Variants in MCOLN1 observed in about 807,000 individuals in gnomAD.
MCOLN1 encodes the protein mucolipin-1.
A neutral mutation model predicts 70.3 loss-of-function variants in MCOLN1; 50 were observed. The ratio of observed to expected loss-of-function variants is 0.71; its 90% CI spans 0.57 to 0.90. The LOEUF (loss-of-function observed/expected upper bound fraction) is 0.90. MCOLN1 is among the 40% of genes least tolerant of loss of function. The pLI is 0.00. For synonymous variants in MCOLN1, 366 were observed against 341.0 expected, an observed-to-expected ratio of 1.07 and a Z score of -0.81; for missense variants, 598 against 803.5, an observed-to-expected ratio of 0.74 and a Z score of 3.09.
chr19:7,527,668 G>T, intron 5 of MCOLN1, 40 bp downstream of exon 5: 1 of 1,406,526 alleles, frequency 7.1e-7, no homozygotes, highest in Non-Finnish European at 1.0e-6. Flanking sequence ...GGGTGGGGGA[G>T]GCAGCACACT....
intron 12 of MCOLN1, among the ~76,000 whole-genome samples, chr19:7,531,541 C>T (rs1206677020): frequency 4.6e-5 from 7 of 152,146 alleles, no homozygotes; most frequent in Non-Finnish European, 5.9e-5. Flanking sequence ...GACCCTGGGA[C>T]GTTGCCATTA....
At position 7,528,538 on chromosome 19, in the gene MCOLN1, T is replaced by C. The variant is rs2146024476; in HGVS notation, c.878-59T>C. 1.9e-6 allele frequency: 3 copies of C among 1,608,678 alleles called. No individual in the cohort carries two copies. In the South Asian group the frequency reaches 3.3e-5, roughly 18 times the overall value. On this transcript the variant is annotated intron_variant, in intron 7 of 13. Transcript: ENST00000264079. The surrounding 1 kb of genome is among the most constrained non-coding windows in gnomAD (Gnocchi z 4.2). ...GGTCTCCAGCCTGGCCTGGCACCAA[T>C]GCTAGCCTCCCAAGGCTCCATGCCA...
chr19:7,527,403 C>A, intron 4 of MCOLN1, 117 bp from the exon 5 acceptor site: 1 of 748,122 alleles, frequency 1.3e-6, no homozygotes, highest in Non-Finnish European at 2.5e-6. Flanking sequence ...GAGTGCCAGG[C>A]CTGTAGGAAT....
At chr19:7,532,594 A>G (rs1433753854) in intron 12 of MCOLN1, among the ~76,000 whole-genome samples, 1 of 152,106 alleles carries the variant, frequency 6.6e-6, no homozygotes, top group African/African-American at 2.4e-5. Flanking sequence ...AGGCACCTGT[A>G]ATCCCAGCTA....
intron 10 of MCOLN1, 80 bp from the exon 11 acceptor site, chr19:7,529,510 C>CCCCCCCCCCCCCAAGGGGG: frequency 1.1e-6 from 1 of 912,888 alleles, no homozygotes; most frequent in Non-Finnish European, 1.7e-6. Context: ...GGCCCCGCCC[C>CCCCCCCCCCCCCAAGGGGG]TCCCACCCCC....
chr19:7,533,919 G>A lies in MCOLN1; in HGVS notation c.*124G>A. ...TCCCTGTCGCGCCCGAGGAGGGCCT[G>A]GACCTTTCGTGTCGGACCCTTGGGG... On this transcript the variant is annotated 3_prime_UTR_variant, in exon 14 of 14. Coordinates refer to ENST00000264079, the MANE Select transcript of MCOLN1 (RefSeq NM_020533.3). 1 of 1,190,636 alleles carries A rather than the reference G, an allele frequency of 8.4e-7. No individual in the cohort carries two copies. Among genetic ancestry groups the A allele is most frequent in the Non-Finnish European group, 1.2e-6 (1 of 822,832 alleles). The allele number at this position is 1,190,636 out of a possible 1,614,324, so 73.8% of individuals were successfully genotyped here.
chr19:7,530,775 G>C (rs997096077), intron 12 of MCOLN1, among the ~76,000 whole-genome samples: 7 of 152,308 alleles, frequency 4.6e-5, no homozygotes, highest in Admixed American at 1.3e-4. Context: ...ACGGAGTCTT[G>C]CTCTGTCACC....
At chr19:7,530,542 G>A (rs375730248) in intron 12 of MCOLN1, 41 bp downstream of exon 12, 2 of 1,570,256 alleles carry the variant, frequency 1.3e-6, no homozygotes, top group African/African-American at 1.3e-5. Context: ...GGCTCTGGGT[G>A]CCCTGGAGTC....
At position 7,528,163 on chromosome 19, in the gene MCOLN1, G is replaced by T; in HGVS notation, c.783G>T (p.Thr261=). The change falls in exon 7 of 14, where the codon ACG becomes ACT. Residue 261 remains threonine, a synonymous_variant. Transcript: ENST00000264079. This position sits in a 1 kb window ranked among gnomAD's most constrained non-coding sequence, Gnocchi z 4.2. Reference sequence around the variant, plus strand: ...CCCCCAACTGGCCCCCACAGATCACGTTTGACAACAAAGCACACAGTGGGC... The same window carrying T: ...CCCCCAACTGGCCCCCACAGATCACTTTTGACAACAAAGCACACAGTGGGC... The part of the protein sequence containing the change: ...PDCYTFSVLI[T]FDNKAHSGRI... 6.2e-7 allele frequency: 1 copy of T among 1,614,042 alleles called. No homozygotes were observed. The highest frequency in any genetic ancestry group is 8.5e-7 in the Non-Finnish European group (1 of 1,179,976).
rs2146024632 is a variant in MCOLN1, at chr19:7,528,728, T to C, written c.984+25T>C. 1 of 1,614,206 alleles carries C rather than the reference T, an allele frequency of 6.2e-7. No homozygotes were observed. The highest frequency in any genetic ancestry group is 8.5e-7 in the Non-Finnish European group (1 of 1,180,028). Reference sequence around the variant, plus strand: ...CGTGAGGCTTCTGCGTCATGTGTGCTGGTGTCCTCCCCGCCTGGCCCTGGG... The same window carrying C: ...CGTGAGGCTTCTGCGTCATGTGTGCCGGTGTCCTCCCCGCCTGGCCCTGGG... On this transcript the variant is annotated intron_variant, in intron 8 of 13. Transcript: ENST00000264079. This position sits in a 1 kb window ranked among gnomAD's most constrained non-coding sequence, Gnocchi z 4.2.
At chr19:7,527,197 G>A (rs1490895908) in intron 4 of MCOLN1, 23 of 584,304 alleles carry the variant, frequency 3.9e-5, no homozygotes, top group Non-Finnish European at 5.2e-5. Context: ...GCTTGAGTCC[G>A]GGAGGTTGAG....
At chr19:7,527,173 G>T (rs187453332) in intron 4 of MCOLN1, 2 of 590,980 alleles carry the variant, frequency 3.4e-6, no homozygotes, top group African/African-American at 1.8e-5. Context: ...TCAGGAGGCT[G>T]AGGCAGGAGG....
At chr19:7,529,773 C>A in intron 11 of MCOLN1, 61 bp downstream of exon 11, 1 of 1,603,788 alleles carries the variant, frequency 6.2e-7, no homozygotes, top group South Asian at 1.1e-5. Flanking sequence ...GACACTGTGA[C>A]CCCCAGATGA....
At chr19:7,530,612 T>C in intron 12 of MCOLN1, 111 bp downstream of exon 12, 1 of 1,060,246 alleles carries the variant, frequency 9.4e-7, no homozygotes, top group Non-Finnish European at 1.4e-6. Context: ...GGAGAGAATA[T>C]GGGAGACTCT....
rs2022625481 is a variant in MCOLN1 at position 7,529,610 on chromosome 19, G to C, written c.1257G>C (p.Arg419=). ...CCCAGATCCTCATCGCCACACTGCG[G>C]GTGGCCCTGCCCAGCGTCATGCGCT... ...HNYNILIATL[R]VALPSVMRFC... The change falls in exon 11 of 14, where the codon CGG becomes CGC. Residue 419 remains arginine, a synonymous_variant. Coordinates refer to ENST00000264079, the MANE Select transcript of MCOLN1 (RefSeq NM_020533.3). The C allele has an allele frequency of 6.2e-7, 1 of 1,613,406 alleles. No homozygotes were observed. Among genetic ancestry groups the C allele is most frequent in the Non-Finnish European group, 8.5e-7 (1 of 1,179,572 alleles).
Position 7,533,528 on chromosome 19 carries a change from C to T in MCOLN1, c.1581C>T (p.Pro527=), listed in dbSNP as rs900817572. The T allele has an allele frequency of 6.2e-6, 10 of 1,610,784 alleles. No homozygotes were observed. The highest frequency in any genetic ancestry group is 4.5e-5 in the East Asian group (2 of 44,882). ...CTCCCGGCTTCTCTCCCCAGCATCCCGGCGGCGCAGGCGCAGAGGAGAGCG... is the reference window on the plus strand; with the variant it reads ...CTCCCGGCTTCTCTCCCCAGCATCCTGGCGGCGCAGGCGCAGAGGAGAGCG... ...ITGAYDTIKH[P]GGAGAEESEL... Residue 527 remains proline, a synonymous_variant, in exon 13 of 14, where the codon CCC becomes CCT. Coordinates refer to ENST00000264079, the MANE Select transcript of MCOLN1 (RefSeq NM_020533.3).
In MCOLN1 at chr19:7,529,722, A is replaced by G. The variant is rs758791255; in HGVS notation, c.1359+10A>G. 6.2e-7 allele frequency: 1 copy of G among 1,613,554 alleles called. No individual in the cohort carries two copies. The highest frequency in any genetic ancestry group is 8.5e-7 in the Non-Finnish European group (1 of 1,179,744). On this transcript the variant is annotated intron_variant, in intron 11 of 13. Transcript: ENST00000264079. Reference sequence around the variant, plus strand: ...GCCCTATCATGTGAAGGTACATCTAACCCCTGATGTCCCTGACATTGACCC... The same window carrying G: ...GCCCTATCATGTGAAGGTACATCTAGCCCCTGATGTCCCTGACATTGACCC...
chr19:7,529,362 G>A (rs995416417), intron 10 of MCOLN1, among the ~76,000 whole-genome samples, 160 bp downstream of exon 10: 3 of 152,274 alleles, frequency 2.0e-5, no homozygotes, highest in Admixed American at 6.5e-5. Context: ...GCACCTGCGC[G>A]GGGCCCCGGG....
At chr19:7,529,769 G>GTGACCCC in intron 11 of MCOLN1, 57 bp downstream of exon 11, 1 of 1,609,142 alleles carries the variant, frequency 6.2e-7, no homozygotes, top group Admixed American at 1.7e-5. Flanking sequence ...CATTGACACT[G>GTGACCCC]TGACCCCCAG....
Sources: gnomAD v4.1 joint callset for allele counts (sites outside exome capture counted in the v4.1 genomes callset) on GRCh38, gnomAD v4.1.1 for gene constraint, Gnocchi (gnomAD v3.1) non-coding constraint, MANE v1.5 for transcripts, NCBI Gene and HGNC (gene_info 2026-07-23, HGNC 2026-07-21) for gene names.